Variants in SLC11A1 observed in about 807,000 individuals in gnomAD.
SLC11A1 encodes solute carrier family 11 member 1, also known as natural resistance-associated macrophage protein 1.
Under a neutral mutation model 63.2 loss-of-function variants are expected in SLC11A1, and 59 were observed. The ratio of observed to expected loss-of-function variants is 0.93; its 90% CI spans 0.76 to 1.16. The LOEUF is 1.16. SLC11A1 is among the 50% of genes most tolerant of loss of function. The pLI, the probability that SLC11A1 is intolerant of heterozygous loss-of-function variation, is 0.00. For missense variants in SLC11A1, 688 were observed against 730.7 expected, an observed-to-expected ratio of 0.94 and a Z score of 0.67; for synonymous variants, 305 against 307.8, an observed-to-expected ratio of 0.99 and a Z score of 0.09.
Position 218,393,065 on chromosome 2 carries a change from G to C in SLC11A1, c.1249G>C (p.Val417Leu). 1 of 1,598,912 alleles carries C rather than the reference G, an allele frequency of 6.3e-7. No homozygotes were observed. The highest frequency in any genetic ancestry group is 8.5e-7 in the Non-Finnish European group (1 of 1,176,594). ...CAILPTVLVA[V>L]FRDLRDLSGL... is the part of the protein sequence containing the mutation. Reference sequence around the variant, plus strand: ...CATCCTGCCCACCGTGCTCGTGGCTGTCTTCCGGGACCTGAGGGACTTGTC... The same window carrying C: ...CATCCTGCCCACCGTGCTCGTGGCTCTCTTCCGGGACCTGAGGGACTTGTC... Residue 417 changes from valine to leucine, a missense_variant, in exon 12 of 15, where the codon GTC (valine) becomes CTC (leucine). By Grantham distance (32) the Val-to-Leu change is conservative. Coordinates refer to ENST00000233202, the MANE Select transcript of SLC11A1 (RefSeq NM_000578.4).
At chr2:218,386,468 A>AT (rs1696110809) in intron 4 of SLC11A1, among the ~76,000 whole-genome samples, 167 bp from the exon 5 acceptor site, 1 of 151,546 alleles carries the variant, frequency 6.6e-6, no homozygotes, top group African/African-American at 2.4e-5. Context: ...AAAAAAAAAA[A>AT]GTTTATCTCT....
At position 218,387,846 on chromosome 2, in the gene SLC11A1, TC is replaced by T. The variant is rs777403956; in HGVS notation, c.688del (p.Leu230CysfsTer40). ...PEQGALLRGL[F>X]LPSCPGCGHP... ...CAGGGAGCGCTTCTTCGGGGCCTGT[TC>T]CTGCCCTCGTGCCCGGGCTGCGGCC... On this transcript the variant is annotated frameshift_variant, in exon 8 of 15. Transcript: ENST00000233202. LOFTEE classifies it high-confidence loss of function. The T allele has an allele frequency of 1.9e-6, 3 of 1,602,540 alleles. No homozygotes were observed. The East Asian group carries it at 6.8e-5, about 36-fold the overall frequency.
At chr2:218,389,794 T>C (rs1696323693) in intron 8 of SLC11A1, 76 bp from the exon 9 acceptor site, 12 of 1,480,640 alleles carry the variant, frequency 8.1e-6, no homozygotes, top group South Asian at 7.8e-5. Context: ...GGGGAGAACA[T>C]AGAAGTGTGA....
chr2:218,394,996 G>A lies in SLC11A1; in HGVS notation c.1614G>A (p.Gly538=). 6.2e-7 allele frequency: 1 copy of A among 1,612,060 alleles called. No homozygotes were observed. Among genetic ancestry groups the A allele is most frequent in the Non-Finnish European group, 8.5e-7 (1 of 1,179,116 alleles). The stretch of plus-strand genomic sequence containing the variant: ...GCTCCCACCACCACTTCCTGTATGG[G>A]CTCCTTGAAGAGGACCAGAAAGGGG... ...AHSSHHHFLY[G]LLEEDQKGET... Residue 538 remains glycine, a synonymous_variant, in exon 15 of 15, where the codon GGG becomes GGA. Coordinates refer to ENST00000233202, the MANE Select transcript of SLC11A1 (RefSeq NM_000578.4).
In SLC11A1 at chr2:218,382,978, G is replaced by C. The variant is rs764382517; in HGVS notation, c.26G>C (p.Arg9Thr). Residue 9 changes from arginine to threonine, a missense_variant, in exon 2 of 15, where the codon AGG becomes ACG. By Grantham distance (71) the Arg-to-Thr change is moderately conservative. Transcript: ENST00000233202. MTGDKGPQRLSGSSYGSIS... is the reference protein window; with the variant it reads MTGDKGPQTLSGSSYGSIS... ...CCCACAGGTGACAAGGGTCCCCAAA[G>C]GCTAAGCGGGTCCAGCTATGGTTCC... The C allele has an allele frequency of 5.0e-6, 8 of 1,613,964 alleles. No homozygotes were observed. The highest frequency in any genetic ancestry group is 1.6e-4 in the Middle Eastern group (1 of 6,078).
intron 7 of SLC11A1, 43 bp from the exon 8 acceptor site, chr2:218,387,757 T>G: frequency 6.2e-7 from 1 of 1,611,904 alleles, no homozygotes; most frequent in Non-Finnish European, 8.5e-7. Context: ...CGCGGCGTGG[T>G]TGCGAGGGGC....
Position 218,393,103 on chromosome 2 carries a change from T to C in SLC11A1, c.1287T>C (p.Asp429=). ...TGAGGGACTTGTCGGGCCTCAATGA[T>C]CTGCTCAACGTGCTGCAGAGCCTGC... The part of the protein sequence containing the change: ...RDLRDLSGLN[D]LLNVLQSLLL... Residue 429 remains aspartate (D), a synonymous_variant, in exon 12 of 15, where the codon GAT becomes GAC. Coordinates refer to ENST00000233202, the MANE Select transcript of SLC11A1 (RefSeq NM_000578.4). The C allele has an allele frequency of 6.3e-7, 1 of 1,591,792 alleles. No individual in the cohort carries two copies. The highest frequency in any genetic ancestry group is 8.5e-7 in the Non-Finnish European group (1 of 1,174,302).
At chr2:218,390,683 G>A (rs1230085883) in intron 9 of SLC11A1, among the ~76,000 whole-genome samples, 1 of 151,584 alleles carries the variant, frequency 6.6e-6, no homozygotes, top group African/African-American at 2.4e-5. Flanking sequence ...GGCACAAGGA[G>A]GGAGATCAAC....
rs528570102 is a variant in SLC11A1, at chr2:218,393,445, C to CTATA, written c.1314+316_1314+319dup. Among the ~76,000 whole-genome samples the CTATA allele has an allele frequency of 1.2e-3, 176 of 150,800 alleles. 4 individuals carry two copies. In the South Asian group the frequency reaches 0.036, roughly 31 times the overall value. ...ACCTCAGGCTCCCGAGTAGCAGGGACTATAGGTGCATGCCATCACACCCAG... is the reference window on the plus strand; with the variant it reads ...ACCTCAGGCTCCCGAGTAGCAGGGACTATATATAGGTGCATGCCATCACACCCAG... On this transcript the variant is annotated intron_variant, in intron 12 of 14. Coordinates refer to ENST00000233202, the MANE Select transcript of SLC11A1 (RefSeq NM_000578.4).
intron 5 of SLC11A1, 58 bp downstream of exon 5, chr2:218,386,799 T>G (rs962222571): frequency 7.8e-7 from 1 of 1,287,942 alleles, no homozygotes; most frequent in Non-Finnish European, 1.1e-6. Context: ...TGCTGCTACT[T>G]CCCCCCCTAA....
Position 218,395,062 on chromosome 2 carries a change from G to A in SLC11A1, c.*27G>A. On this transcript the variant is annotated 3_prime_UTR_variant, in exon 15 of 15. Transcript: ENST00000233202. ...CCCACACCAGGGCCTGGCTGGGAGT[G>A]GCATGTATGACGTGACTGGCCTGCT... 3.9e-6 allele frequency: 6 copies of A among 1,531,390 alleles called. No homozygotes were observed. The highest frequency in any genetic ancestry group is 5.3e-6 in the Non-Finnish European group (6 of 1,123,688). The allele number at this position is 1,531,390 out of a possible 1,614,324, so 94.9% of individuals were successfully genotyped here.
chr2:218,386,223 C>T lies in SLC11A1; in HGVS notation c.394-412C>T, dbSNP rs949451339. On this transcript the variant is annotated intron_variant, in intron 4 of 14. Coordinates refer to ENST00000233202, the MANE Select transcript of SLC11A1 (RefSeq NM_000578.4). ...ATCCCAGCACTTTGGGAGGCCAAGG[C>T]GGGTGGATCACCTGAGGTCGGGAGT... Among the ~76,000 whole-genome samples the T allele has an allele frequency of 7.9e-5, 12 of 152,244 alleles. No individual in the cohort carries two copies. The South Asian group carries it at 1.2e-3, about 16-fold the overall frequency.
At chr2:218,387,779 T>C (rs747580557) in intron 7 of SLC11A1, 21 bp from the exon 8 acceptor site, 30 of 1,611,056 alleles carry the variant, frequency 1.9e-5, no homozygotes, top group Non-Finnish European at 2.5e-5. Flanking sequence ...GGGCTTGTCC[T>C]GACCAGGCTC....
At chr2:218,391,338 G>A (rs779292663) in intron 10 of SLC11A1, 38 bp from the exon 11 acceptor site, 13 of 1,613,796 alleles carry the variant, frequency 8.1e-6, no homozygotes, top group Admixed American at 3.3e-5. Flanking sequence ...TCCCCGCCTC[G>A]GGCAGGGCCA....
intron 1 of SLC11A1, 138 bp downstream of exon 1, chr2:218,382,513 T>C: frequency 8.2e-6 from 7 of 858,778 alleles, no homozygotes; most frequent in Non-Finnish European, 1.1e-5. Context: ...AGTCCTAGTC[T>C]AGAACACAGT....
chr2:218,387,957 TGAGCA>T lies in SLC11A1; in HGVS notation c.795+6_795+10del. 1 of 1,600,520 alleles carries T rather than the reference TGAGCA, an allele frequency of 6.2e-7. No individual in the cohort carries two copies. The highest frequency in any genetic ancestry group is 8.5e-7 in the Non-Finnish European group (1 of 1,172,230). On this transcript the variant is annotated splice_donor_5th_base_variant and intron_variant, in intron 8 of 14. Transcript: ENST00000233202. ...TACCTGCACTCGGCCCTGGTCAAGG[TGAGCA>T]GAGGGGAGGGGAAAGGAGACCCCCT...
chr2:218,390,149 G>C, intron 9 of SLC11A1, 121 bp downstream of exon 9: 1 of 1,026,148 alleles, frequency 9.7e-7, no homozygotes, highest in Non-Finnish European at 1.4e-6. Context: ...GATCTTCCCT[G>C]TTGGCAGATA....
intron 8 of SLC11A1, among the ~76,000 whole-genome samples, chr2:218,388,792 A>T (rs1021368791): frequency 8.1e-5 from 12 of 148,158 alleles, no homozygotes; most frequent in Non-Finnish European, 1.2e-4. Context: ...ACAAAGCAAG[A>T]CTCCGTCTCA....
chr2:218,391,060 G>C (rs1196014299), intron 9 of SLC11A1, 138 bp from the exon 10 acceptor site: 3 of 696,366 alleles, frequency 4.3e-6, no homozygotes, highest in Non-Finnish European at 7.6e-6. Context: ...AACTTATTTT[G>C]TTAGCCAAAC....
Sources: gnomAD v4.1 joint callset for allele counts (sites outside exome capture counted in the v4.1 genomes callset) on GRCh38, gnomAD v4.1.1 for gene constraint, MANE v1.5 for transcripts, NCBI Gene and HGNC (gene_info 2026-07-23, HGNC 2026-07-21) for gene names.